Variants in DPH6 observed in about 807,000 individuals in gnomAD.
DPH6 encodes the protein diphthine--ammonia ligase.
In DPH6, 33 loss-of-function variants were observed where a neutral mutation model predicts 38.2. The observed-to-expected ratio is 0.86, with a 90% confidence interval of 0.65 to 1.15. The LOEUF (loss-of-function observed/expected upper bound fraction) is 1.15, where lower values mean the gene tolerates loss of function less well. Among genes scored for constraint, DPH6 ranks in the 50% most tolerant of loss-of-function variants. The pLI, the probability that DPH6 is intolerant of heterozygous loss-of-function variation, is 0.00. For synonymous variants in DPH6, 108 were observed against 103.0 expected (o/e 1.05, Z -0.30); for missense variants, 325 against 320.0 (o/e 1.02, Z -0.12).
chr15:35,185,652 A>C, the DPH6 span, among the ~76,000 whole-genome samples: 1 of 151,442 alleles, frequency 6.6e-6, no homozygotes, highest in Non-Finnish European at 1.5e-5. Context: ...AAAATTTTCG[A>C]GCGTAGAAGG....
chr15:35,397,127 A>G, intron 6 of DPH6, among the ~76,000 whole-genome samples: 1 of 152,230 alleles, frequency 6.6e-6, no homozygotes, highest in East Asian at 1.9e-4. Context: ...AAATGAATAC[A>G]TGCCCTAACA....
At chr15:35,351,123 T>A (rs564918657) in intron 3 of DPH6, among the ~76,000 whole-genome samples, 2 of 152,286 alleles carry the variant, frequency 1.3e-5, no homozygotes, top group South Asian at 4.1e-4. Flanking sequence ...TAAAATTACA[T>A]CTTTCTGGGA....
chr15:35,200,795 T>C, the DPH6 span, among the ~76,000 whole-genome samples: 1 of 151,934 alleles, frequency 6.6e-6, no homozygotes, highest in African/African-American at 2.4e-5. Context: ...AAGTCTGAAA[T>C]TGTTTTATGT....
chr15:35,207,038 CTTTTTTTTTT>C, the DPH6 span, among the ~76,000 whole-genome samples: 12 of 74,068 alleles, frequency 1.6e-4, 1 homozygote, highest in African/African-American at 4.7e-4. Context: ...TTTAGTAAAG[CTTTTTTTTTT>C]TTTTTTTTTT....
intron 6 of DPH6, among the ~76,000 whole-genome samples, chr15:35,407,214 G>A (rs2053305658): frequency 2.0e-5 from 3 of 151,666 alleles, no homozygotes; most frequent in Admixed American, 6.6e-5. Context: ...CTGGTCCCTC[G>A]GAGCGGAAAT....
rs771461609 is a variant in DPH6, at chr15:35,371,825, AG to A, written c.*324del. The A allele has an allele frequency of 1.5e-4, 157 of 1,028,544 alleles. No homozygotes were observed. The highest frequency in any genetic ancestry group is 1.8e-4 in the Non-Finnish European group (154 of 858,982). 63.7% of individuals were successfully genotyped at this position (1,028,544 alleles called of 1,614,324 possible). On this transcript the variant is annotated 3_prime_UTR_variant, in exon 9 of 9. Coordinates refer to ENST00000256538, the MANE Select transcript of DPH6 (RefSeq NM_080650.4). The stretch of plus-strand genomic sequence containing the variant: ...GGATTGGAGCAAGAAAGAGAGAAGG[AG>A]GAAAAGAAACTAGTGTGATAAAAAA...
intron 3 of DPH6, among the ~76,000 whole-genome samples, chr15:35,250,925 T>C (rs370561231): frequency 1.3e-5 from 2 of 152,338 alleles, no homozygotes; most frequent in East Asian, 1.9e-4. Flanking sequence ...ATAAGTTACT[T>C]ACTGAGTTAG....
chr15:35,509,355 G>A (rs938709270), intron 3 of DPH6, among the ~76,000 whole-genome samples: 5 of 152,150 alleles, frequency 3.3e-5, no homozygotes, highest in African/African-American at 1.2e-4. Context: ...AAAATGCTCG[G>A]CAATATTATA....
intron 5 of DPH6, among the ~76,000 whole-genome samples, chr15:35,431,085 A>C (rs1346066014): frequency 1.3e-5 from 2 of 152,300 alleles, no homozygotes; most frequent in East Asian, 3.9e-4. Context: ...GAGAAAAGAA[A>C]GAGAGGTAAC....
intron 3 of DPH6, among the ~76,000 whole-genome samples, chr15:35,469,895 G>C (rs571182721): frequency 2.0e-5 from 3 of 152,052 alleles, no homozygotes; most frequent in Non-Finnish European, 4.4e-5. Context: ...GGAAAGAAGA[G>C]TCTTAAAAGA....
chr15:35,493,313 A>G (rs924408296), intron 3 of DPH6, among the ~76,000 whole-genome samples: 6 of 152,222 alleles, frequency 3.9e-5, no homozygotes, highest in African/African-American at 1.4e-4. Context: ...CAAATCTATT[A>G]TAATTGATGG....
At chr15:35,421,710 T>C (rs756080605) in intron 5 of DPH6, among the ~76,000 whole-genome samples, 1 of 152,152 alleles carries the variant, frequency 6.6e-6, no homozygotes, top group Non-Finnish European at 1.5e-5. Context: ...GCTAAAAATG[T>C]AGACAAAAGC....
At chr15:35,393,255 T>C (rs2053084226) in intron 6 of DPH6, among the ~76,000 whole-genome samples, 2 of 152,128 alleles carry the variant, frequency 1.3e-5, no homozygotes, top group South Asian at 4.2e-4. Context: ...AGAGAGTAGA[T>C]ATTTTGAGAG....
chr15:35,263,719 C>CA (rs2051764170), intron 3 of DPH6, among the ~76,000 whole-genome samples: 1 of 147,454 alleles, frequency 6.8e-6, no homozygotes, highest in Admixed American at 6.8e-5. Context: ...TTTATAATTT[C>CA]TTTTTTTTTT....
chr15:35,298,250 A>G, intron 3 of DPH6: 1 of 535,864 alleles, frequency 1.9e-6, no homozygotes, highest in South Asian at 1.5e-5. Flanking sequence ...CTTAAAATCA[A>G]ACTTGTTCTG....
intron 3 of DPH6, among the ~76,000 whole-genome samples, chr15:35,225,527 G>T (rs1228495638): frequency 6.6e-6 from 1 of 152,156 alleles, no homozygotes; most frequent in Non-Finnish European, 1.5e-5. Context: ...ACGTGTTCAG[G>T]ATGGCTTTCT....
At chr15:35,491,837 T>C (rs990577568) in intron 3 of DPH6, among the ~76,000 whole-genome samples, 1 of 150,830 alleles carries the variant, frequency 6.6e-6, no homozygotes, top group African/African-American at 2.4e-5. Flanking sequence ...ATATATCTTA[T>C]ATATTACTAT....
chr15:35,435,643 TA>T, intron 5 of DPH6, among the ~76,000 whole-genome samples: 1 of 152,286 alleles, frequency 6.6e-6, no homozygotes, highest in South Asian at 2.1e-4. Context: ...TTTTGCCTAA[TA>T]AATCTGTCCT....
intron 3 of DPH6, among the ~76,000 whole-genome samples, chr15:35,481,151 T>G (rs1182562101): frequency 6.6e-6 from 1 of 152,186 alleles, no homozygotes; most frequent in Non-Finnish European, 1.5e-5. Context: ...AACTAATTTT[T>G]AAATGTTATT....
Sources: gnomAD v4.1 joint callset for allele counts (sites outside exome capture counted in the v4.1 genomes callset) on GRCh38, gnomAD v4.1.1 for gene constraint, MANE v1.5 for transcripts, NCBI Gene and HGNC (gene_info 2026-07-23, HGNC 2026-07-21) for gene names.